ROBO2: variants seen among roughly 807,000 people sequenced by gnomAD.
ROBO2 encodes roundabout homolog 2.
ROBO2 carries 53 observed loss-of-function variants against 160.8 expected under a neutral mutation model. That is an observed-to-expected ratio of 0.33 (90% CI 0.26 to 0.41). The LOEUF (loss-of-function observed/expected upper bound fraction) is 0.41, where lower values mean the gene tolerates loss of function less well. Ranked by LOEUF, ROBO2 falls within the 10% of genes least tolerant of loss-of-function variation. ROBO2 has a pLI of 1.00. For missense variants in ROBO2, 1,577 were observed against 1,722.4 expected (o/e 0.92, Z 1.49); for synonymous variants, 664 against 611.7 (o/e 1.09, Z -1.26).
intron 2 of ROBO2, among the ~76,000 whole-genome samples, chr3:76,624,468 T>C (rs2089466644): frequency 6.6e-6 from 1 of 152,030 alleles, no homozygotes; most frequent in Non-Finnish European, 1.5e-5. Context: ...ATGGTATTTC[T>C]CATTGCCCAG....
chr3:76,059,048 A>C (rs1315112762), intron 2 of ROBO2, among the ~76,000 whole-genome samples: 4 of 150,530 alleles, frequency 2.7e-5, no homozygotes, highest in Non-Finnish European at 5.9e-5. Flanking sequence ...CCAGTCTATC[A>C]TTGTTGGACA....
rs578002525 is a variant in ROBO2 at position 76,120,874 on chromosome 3, C to T, written c.109+183272C>T. Reference sequence around the variant, plus strand: ...AGTATAAGAGTTCCTTCTACAAATACAGAACAATACTTGCCTGCAATATAA... The same window carrying T: ...AGTATAAGAGTTCCTTCTACAAATATAGAACAATACTTGCCTGCAATATAA... On this transcript the variant is annotated intron_variant, in intron 2 of 26. Coordinates refer to the ROBO2 transcript ENST00000487694. 7.2e-5 allele frequency among the ~76,000 whole-genome samples: 11 copies of T among 152,206 alleles called. No homozygotes were observed. The South Asian group carries it at 1.9e-3, about 26-fold the overall frequency.
intron 2 of ROBO2, among the ~76,000 whole-genome samples, chr3:75,960,194 G>C (rs1948861976): frequency 6.6e-6 from 1 of 151,798 alleles, no homozygotes; most frequent in South Asian, 2.1e-4. Flanking sequence ...CCTTTAGTGA[G>C]TCAGCTTCTC....
At chr3:76,045,610 T>C (rs2067422289) in intron 2 of ROBO2, among the ~76,000 whole-genome samples, 1 of 152,158 alleles carries the variant, frequency 6.6e-6, no homozygotes, top group East Asian at 1.9e-4. Flanking sequence ...ATGTACATTG[T>C]TAATTTCTCA....
intron 2 of ROBO2, among the ~76,000 whole-genome samples, chr3:75,942,737 G>A (rs1449746851): frequency 6.6e-6 from 1 of 152,020 alleles, no homozygotes; most frequent in Admixed American, 6.6e-5. Flanking sequence ...ACACTATAAG[G>A]TAAACAGAGA....
intron 2 of ROBO2, among the ~76,000 whole-genome samples, chr3:76,071,009 T>A (rs2068436576): frequency 6.6e-6 from 1 of 152,194 alleles, no homozygotes; most frequent in Non-Finnish European, 1.5e-5. Context: ...GAGTCAAAGG[T>A]AGCATTTTAT....
intron 2 of ROBO2, among the ~76,000 whole-genome samples, chr3:77,437,481 A>G (rs546879299): frequency 4.6e-5 from 7 of 152,084 alleles, no homozygotes; most frequent in African/African-American, 1.4e-4. Flanking sequence ...ATTATAGATA[A>G]TACATAGTAT....
intron 2 of ROBO2, among the ~76,000 whole-genome samples, chr3:76,199,949 TCTAAATAC>T (rs1702443554): frequency 6.6e-6 from 1 of 152,164 alleles, no homozygotes; most frequent in Non-Finnish European, 1.5e-5. Context: ...TATAGCAAAC[TCTAAATAC>T]TTAGCCTTTG....
chr3:76,331,307 T>C (rs1200120735), intron 2 of ROBO2, among the ~76,000 whole-genome samples: 1 of 152,190 alleles, frequency 6.6e-6, no homozygotes, highest in Non-Finnish European at 1.5e-5. Flanking sequence ...TTAGCATTCA[T>C]AAATATCACA....
chr3:76,504,070 T>G (rs2080634455), intron 2 of ROBO2, among the ~76,000 whole-genome samples: 1 of 152,238 alleles, frequency 6.6e-6, no homozygotes, highest in African/African-American at 2.4e-5. Context: ...TTTATATCAT[T>G]TTCTCTCTTC....
chr3:76,954,273 A>C (rs2079118225), intron 2 of ROBO2, among the ~76,000 whole-genome samples: 1 of 150,770 alleles, frequency 6.6e-6, no homozygotes, highest in Non-Finnish European at 1.5e-5. Context: ...TTCTTTACCC[A>C]CTAGTTTGTT....
At chr3:76,602,675 A>C (rs2087248815) in intron 2 of ROBO2, among the ~76,000 whole-genome samples, 1 of 152,178 alleles carries the variant, frequency 6.6e-6, no homozygotes. Context: ...TCCTCCCATG[A>C]CAGGTGGGAG....
chr3:76,528,693 T>C (rs1379933472), intron 2 of ROBO2, among the ~76,000 whole-genome samples: 1 of 152,018 alleles, frequency 6.6e-6, no homozygotes, highest in African/African-American at 2.4e-5. Context: ...TATGTAGGTT[T>C]CTCATTAGCA....
intron 2 of ROBO2, among the ~76,000 whole-genome samples, chr3:76,995,220 A>G (rs1166215426): frequency 1.3e-5 from 2 of 149,254 alleles, no homozygotes; most frequent in Non-Finnish European, 3.0e-5. Flanking sequence ...TGTCTTTGTG[A>G]TAGTTTGCTG....
Position 77,568,299 on chromosome 3 carries a change from T to C in ROBO2, c.1850-14T>C, listed in dbSNP as rs1320201396. ...ATTTTTAAAGGTGGGAATGATTCTC[T>C]TCTCTAACTGCAGATATCAGCCCAC... is the stretch of plus-strand genomic sequence containing the variant. On this transcript the variant is annotated splice_polypyrimidine_tract_variant and intron_variant, in intron 12 of 25. Transcript: ENST00000461745. The C allele has an allele frequency of 4.3e-6, 7 of 1,612,412 alleles. 1 individual carries two copies. In the South Asian group the frequency reaches 6.6e-5, roughly 15 times the overall value.
chr3:76,141,871 A>T (rs1018503882), intron 2 of ROBO2, among the ~76,000 whole-genome samples: 1 of 152,034 alleles, frequency 6.6e-6, no homozygotes, highest in Admixed American at 6.6e-5. Flanking sequence ...GAGCACAGGC[A>T]TTGTTAATTT....
At chr3:76,197,929 C>T (rs1702338670) in intron 2 of ROBO2, among the ~76,000 whole-genome samples, 1 of 152,110 alleles carries the variant, frequency 6.6e-6, no homozygotes, top group South Asian at 2.1e-4. Context: ...CTATGATGAC[C>T]ACTGCAGTTT....
intron 2 of ROBO2, among the ~76,000 whole-genome samples, chr3:76,893,284 A>C (rs970991578): frequency 6.6e-6 from 1 of 151,170 alleles, no homozygotes; most frequent in African/African-American, 2.4e-5. Flanking sequence ...ACAAGAAAAA[A>C]AAAACAAATT....
intron 2 of ROBO2, among the ~76,000 whole-genome samples, chr3:76,582,803 A>C (rs1280126600): frequency 1.3e-5 from 2 of 152,142 alleles, no homozygotes; most frequent in African/African-American, 4.8e-5. Context: ...TCATAATCTC[A>C]TTAAGCCACT....
Sources: allele counts gnomAD v4.1 joint callset (sites outside exome capture counted in the v4.1 genomes callset), GRCh38; gene constraint gnomAD v4.1.1; transcripts MANE v1.5; gene names NCBI Gene and HGNC (gene_info 2026-07-23, HGNC 2026-07-21).